Variants in ADAM28 observed in about 807,000 individuals in gnomAD.
The protein encoded by ADAM28 is disintegrin and metalloproteinase domain-containing protein 28.
In ADAM28, 105 loss-of-function variants were observed where a neutral mutation model predicts 101.2. The observed-to-expected ratio is 1.04, with a 90% CI of 0.89 to 1.22. ADAM28 has a LOEUF of 1.22. Ranked by LOEUF, ADAM28 falls within the 50% of genes most tolerant of loss-of-function variation. The pLI, the probability that ADAM28 is intolerant of heterozygous loss-of-function variation, is 0.00. For missense variants in ADAM28, 1,028 were observed against 945.4 expected, an observed-to-expected ratio of 1.09 and a Z score of -1.15; for synonymous variants, 322 against 310.6, an observed-to-expected ratio of 1.04 and a Z score of -0.39.
chr8:24,304,354 A>C (rs185763179), intron 2 of ADAM28, among the ~76,000 whole-genome samples: 1 of 151,624 alleles, frequency 6.6e-6, no homozygotes, highest in East Asian at 1.9e-4. Flanking sequence ...TGAACCTTAC[A>C]TTTTCCTGAT....
At chr8:24,337,969 T>C (rs1009077637) in intron 14 of ADAM28, among the ~76,000 whole-genome samples, 2 of 152,264 alleles carry the variant, frequency 1.3e-5, no homozygotes, top group African/African-American at 4.8e-5. Flanking sequence ...CATTTGCTAA[T>C]TGGCAAAAGT....
chr8:24,310,210 GA>G lies in ADAM28; in HGVS notation c.278del (p.Lys93ArgfsTer35). ...ACGGAAACATATTATAATTCCACTG[GA>G]AAGGAGATCACCACAAGCCCACAAA... is the stretch of plus-strand genomic sequence containing the variant. The part of the protein sequence containing the change: ...GYTETYYNST[G>X]KEITTSPQIM... On this transcript the variant is annotated frameshift_variant, in exon 4 of 23. Transcript: ENST00000265769. LOFTEE classifies it high-confidence loss of function. 6.2e-7 allele frequency: 1 copy of G among 1,613,400 alleles called. No individual in the cohort carries two copies. The highest frequency in any genetic ancestry group is 8.5e-7 in the Non-Finnish European group (1 of 1,179,614).
intron 1 of ADAM28, 45 bp from the exon 2 acceptor site, chr8:24,299,929 C>T (rs201353852): frequency 1.3e-6 from 2 of 1,499,982 alleles, no homozygotes; most frequent in African/African-American, 1.4e-5. Context: ...GACCAGCCTA[C>T]TTCAGTTCTA....
At position 24,350,096 on chromosome 8, in the gene ADAM28, C is replaced by A. The variant is rs534728553; in HGVS notation, c.2099+124C>A. The A allele has an allele frequency of 3.0e-5, 23 of 776,514 alleles. 1 individual carries two copies. The South Asian group carries it at 6.1e-4, about 21-fold the overall frequency. 48.1% of individuals were successfully genotyped at this position (776,514 alleles called of 1,614,324 possible). A position where few individuals can be genotyped will look rare whatever the true frequency, so the allele number is the denominator to read the frequency against. On this transcript the variant is annotated intron_variant, in intron 19 of 22. Transcript: ENST00000265769. ...TACTTCTAATATTCAGAAATACATGCAGATGGTCTTTTTGGACGAGAAACT... is the reference window on the plus strand; with the variant it reads ...TACTTCTAATATTCAGAAATACATGAAGATGGTCTTTTTGGACGAGAAACT...
At chr8:24,331,560 T>G (rs1275490328) in intron 12 of ADAM28, among the ~76,000 whole-genome samples, 1 of 152,122 alleles carries the variant, frequency 6.6e-6, no homozygotes, top group African/African-American at 2.4e-5. Flanking sequence ...TTTTAAGGAC[T>G]ATTTACTAAC....
chr8:24,313,603 G>A (rs1810764046), intron 6 of ADAM28, 23 bp downstream of exon 6: 5 of 1,608,302 alleles, frequency 3.1e-6, no homozygotes, highest in Non-Finnish European at 4.2e-6. Context: ...TTATTTATTT[G>A]AAATGCTCTC....
intron 16 of ADAM28, among the ~76,000 whole-genome samples, chr8:24,342,427 G>T (rs1331831498): frequency 6.6e-6 from 1 of 152,148 alleles, no homozygotes; most frequent in South Asian, 2.1e-4. Flanking sequence ...TTCAGTGTGG[G>T]TATTGCTTAT....
intron 18 of ADAM28, among the ~76,000 whole-genome samples, chr8:24,345,852 G>C (rs1305954254): frequency 2.6e-5 from 4 of 152,088 alleles, no homozygotes; most frequent in African/African-American, 9.7e-5. Flanking sequence ...AGCAGGATAA[G>C]GAGGTAGCTG....
chr8:24,310,944 A>G (rs1810375502), intron 4 of ADAM28, among the ~76,000 whole-genome samples: 1 of 152,238 alleles, frequency 6.6e-6, no homozygotes, highest in Admixed American at 6.5e-5. Context: ...ATCAAGAAAG[A>G]AAAAACAAAA....
intron 9 of ADAM28, 121 bp downstream of exon 9, chr8:24,324,124 A>G: frequency 1.3e-6 from 1 of 743,528 alleles, no homozygotes; most frequent in Non-Finnish European, 2.0e-6. Flanking sequence ...TACTTGGATT[A>G]TATGTCAAAT....
At chr8:24,306,367 T>TATATATATATAA (rs1809656777) in intron 2 of ADAM28, among the ~76,000 whole-genome samples, 1 of 136,352 alleles carries the variant, frequency 7.3e-6, no homozygotes, top group African/African-American at 2.8e-5. Flanking sequence ...TAAATAAATA[T>TATATATATATAA]ATATATATAT....
At chr8:24,343,379 T>C in intron 17 of ADAM28, 127 bp from the exon 18 acceptor site, 1 of 1,095,898 alleles carries the variant, frequency 9.1e-7, no homozygotes, top group South Asian at 1.5e-5. Flanking sequence ...TCATACTTTT[T>C]GTAGATAGAT....
At chr8:24,351,491 C>T in intron 20 of ADAM28, 181 bp downstream of exon 20, 1 of 687,612 alleles carries the variant, frequency 1.5e-6, no homozygotes, top group Non-Finnish European at 2.6e-6. Context: ...GGCTACTTTG[C>T]CGGGGTTCAT....
chr8:24,321,012 A>G (rs1811797495), intron 7 of ADAM28, among the ~76,000 whole-genome samples: 1 of 152,000 alleles, frequency 6.6e-6, no homozygotes, highest in South Asian at 2.1e-4. Context: ...CTAGTACTTC[A>G]GAAGAGAAAA....
chr8:24,350,611 G>A (rs544772900), intron 19 of ADAM28, among the ~76,000 whole-genome samples: 20 of 152,168 alleles, frequency 1.3e-4, no homozygotes, highest in African/African-American at 4.3e-4. Context: ...ACACCCGGCC[G>A]TGTGCTAAGC....
chr8:24,313,068 C>G (rs572410298), intron 5 of ADAM28, among the ~76,000 whole-genome samples: 1 of 152,072 alleles, frequency 6.6e-6, no homozygotes, highest in East Asian at 1.9e-4. Context: ...ACCTTTAGAA[C>G]AAGTATAGCA....
rs1025628495 is a variant in ADAM28, at chr8:24,357,219, C to A, written c.*2815C>A. On this transcript the variant is annotated 3_prime_UTR_variant, in exon 23 of 23. Coordinates refer to ENST00000265769, the MANE Select transcript of ADAM28 (RefSeq NM_014265.6). ...AGCTAAATTTTGTCCAGATTACACA[C>A]CCACAGAAACTGTATGATAATTAAT... 9 of 152,124 alleles carry A rather than the reference C, an allele frequency of 5.9e-5. No individual in the cohort carries two copies. Among genetic ancestry groups the A allele is most frequent in the Non-Finnish European group, 1.3e-4 (9 of 68,020 alleles). 9.4% of individuals were successfully genotyped at this position (152,124 alleles called of 1,614,324 possible).
At chr8:24,351,150 AGTT>A in intron 19 of ADAM28, 79 bp from the exon 20 acceptor site, 1 of 1,166,252 alleles carries the variant, frequency 8.6e-7, no homozygotes, top group South Asian at 1.7e-5. Flanking sequence ...GGGAAAAAGA[AGTT>A]GGGAATCTTC....
At chr8:24,335,398 A>G (rs1170813222) in intron 13 of ADAM28, 48 bp from the exon 14 acceptor site, 18 of 1,527,572 alleles carry the variant, frequency 1.2e-5, no homozygotes, top group Non-Finnish European at 1.6e-5. Flanking sequence ...GTATTAGGGT[A>G]AAGCAGGTAG....
Sources: gnomAD v4.1 joint callset for allele counts (sites outside exome capture counted in the v4.1 genomes callset) on GRCh38, gnomAD v4.1.1 for gene constraint, MANE v1.5 for transcripts, NCBI Gene and HGNC (gene_info 2026-07-23, HGNC 2026-07-21) for gene names.